The following RANBP2 variants were observed in gnomAD, a reference collection of about 807,000 sequenced individuals.
RANBP2 encodes the protein E3 SUMO-protein ligase RanBP2.
Under a neutral mutation model 303.6 loss-of-function variants are expected in RANBP2, and 57 were observed. The observed-to-expected ratio is 0.19, with a 90% CI of 0.15 to 0.23. RANBP2 has a LOEUF of 0.23. Ranked by LOEUF, RANBP2 falls within the 10% of genes least tolerant of loss-of-function variation. The probability of loss-of-function intolerance (pLI) is 1.00; values close to 1 mark genes in which losing one functional copy is unlikely to be tolerated. For missense variants in RANBP2, 3,138 were observed against 3,780.8 expected (o/e 0.83, Z 4.46); for synonymous variants, 1,167 against 1,301.5 (o/e 0.90, Z 2.23).
chr2:109,658,209 A>G, the RANBP2 span, among the ~76,000 whole-genome samples: 2 of 151,942 alleles, frequency 1.3e-5, no homozygotes, highest in Non-Finnish European at 1.5e-5. Flanking sequence ...GCACTTTGAG[A>G]GGCCAAGGTG....
the RANBP2 span, among the ~76,000 whole-genome samples, chr2:109,323,002 GTTGCAGAGGGATT>G: frequency 2.6e-5 from 4 of 152,244 alleles, no homozygotes; most frequent in Admixed American, 2.6e-4. Flanking sequence ...GCTGAGCTGT[GTTGCAGAGGGATT>G]TTCTTATACC....
At chr2:109,032,688 C>G in the RANBP2 span, among the ~76,000 whole-genome samples, 1 of 152,204 alleles carries the variant, frequency 6.6e-6, no homozygotes, top group African/African-American at 2.4e-5. Context: ...TCACCTCTTG[C>G]ACAGGCTGGT....
chr2:109,255,223 C>T, the RANBP2 span, among the ~76,000 whole-genome samples: 1 of 152,270 alleles, frequency 6.6e-6, no homozygotes, highest in South Asian at 2.1e-4. Context: ...CCTGTTGGGG[C>T]TTCGGAATAG....
At chr2:108,829,484 G>T in the RANBP2 span, among the ~76,000 whole-genome samples, 1 of 152,342 alleles carries the variant, frequency 6.6e-6, no homozygotes, top group Admixed American at 6.5e-5. Flanking sequence ...GGTGGCCCAT[G>T]CCTGTAATGC....
At chr2:109,439,086 G>T in the RANBP2 span, among the ~76,000 whole-genome samples, 2 of 152,122 alleles carry the variant, frequency 1.3e-5, no homozygotes, top group African/African-American at 2.4e-5. Context: ...ATTCAAAGAA[G>T]AAATGGAGCC....
At chr2:109,484,129 C>T in the RANBP2 span, among the ~76,000 whole-genome samples, 10 of 147,796 alleles carry the variant, frequency 6.8e-5, no homozygotes, top group Non-Finnish European at 1.0e-4. Context: ...AGTGCAGTGG[C>T]GTGATCTTGT....
chr2:109,390,159 G>T, the RANBP2 span, among the ~76,000 whole-genome samples: 1 of 152,210 alleles, frequency 6.6e-6, no homozygotes, highest in Non-Finnish European at 1.5e-5. Flanking sequence ...TCTCTTCACT[G>T]TCCCAACAGA....
At chr2:109,496,083 C>G in the RANBP2 span, among the ~76,000 whole-genome samples, 11 of 152,172 alleles carry the variant, frequency 7.2e-5, no homozygotes, top group African/African-American at 2.7e-4. Context: ...AGCTTTTATT[C>G]CCTTATTTGT....
At chr2:109,063,941 T>C in the RANBP2 span, among the ~76,000 whole-genome samples, 2 of 152,294 alleles carry the variant, frequency 1.3e-5, no homozygotes, top group South Asian at 4.1e-4. Flanking sequence ...TTCTCATGAT[T>C]GTTGCTTCAT....
At chr2:109,330,042 G>A in the RANBP2 span, among the ~76,000 whole-genome samples, 1 of 152,176 alleles carries the variant, frequency 6.6e-6, no homozygotes, top group Non-Finnish European at 1.5e-5. Context: ...ACAAAACATT[G>A]AATTTCATCT....
chr2:109,417,834 A>AGG, the RANBP2 span, among the ~76,000 whole-genome samples: 1 of 152,094 alleles, frequency 6.6e-6, no homozygotes, highest in Non-Finnish European at 1.5e-5. Context: ...CCACTCAGGG[A>AGG]GGGGCAGGTA....
At chr2:109,373,322 G>C in the RANBP2 span, among the ~76,000 whole-genome samples, 1 of 152,164 alleles carries the variant, frequency 6.6e-6, no homozygotes, top group Admixed American at 6.5e-5. Flanking sequence ...TTTTTCTCCA[G>C]GCAGAATCTT....
chr2:109,600,832 C>T, the RANBP2 span, among the ~76,000 whole-genome samples: 1 of 152,218 alleles, frequency 6.6e-6, no homozygotes, highest in African/African-American at 2.4e-5. Context: ...AAATCAGGGT[C>T]CCCACAACCC....
the RANBP2 span, among the ~76,000 whole-genome samples, chr2:109,003,409 TTTTC>T: frequency 6.6e-6 from 1 of 151,780 alleles, no homozygotes; most frequent in South Asian, 2.1e-4. Context: ...TTTTAATTTT[TTTTC>T]TTCTTTTTTT....
chr2:109,162,364 T>G, the RANBP2 span, among the ~76,000 whole-genome samples: 1 of 152,210 alleles, frequency 6.6e-6, no homozygotes, highest in Admixed American at 6.5e-5. Flanking sequence ...GCCTCTCTCA[T>G]TTTTCCCCTC....
chr2:109,765,838 C>A, the RANBP2 span, among the ~76,000 whole-genome samples: 2 of 150,802 alleles, frequency 1.3e-5, no homozygotes, highest in African/African-American at 2.4e-5. Flanking sequence ...CATGCGCAGG[C>A]CAGTGGGCGG....
intron 18 of RANBP2, among the ~76,000 whole-genome samples, chr2:108,759,684 A>G (rs939165603): frequency 6.6e-6 from 1 of 151,362 alleles, no homozygotes; most frequent in Non-Finnish European, 1.5e-5. Flanking sequence ...AGATAAGTAT[A>G]TGAAATGTCT....
At chr2:109,425,392 C>T in the RANBP2 span, among the ~76,000 whole-genome samples, 1 of 152,170 alleles carries the variant, frequency 6.6e-6, no homozygotes, top group Non-Finnish European at 1.5e-5. Context: ...TCAGTGTAGA[C>T]AAAACAGCCC....
chr2:109,358,525 G>A, the RANBP2 span, among the ~76,000 whole-genome samples: 22 of 152,162 alleles, frequency 1.4e-4, no homozygotes, highest in African/African-American at 5.1e-4. Context: ...AGCCGTGAAT[G>A]AGCGTTCCTG....
Sources: gnomAD v4.1 joint callset for allele counts (sites outside exome capture counted in the v4.1 genomes callset) on GRCh38, gnomAD v4.1.1 for gene constraint, MANE v1.5 for transcripts, NCBI Gene and HGNC (gene_info 2026-07-23, HGNC 2026-07-21) for gene names.